The following GABRB3 variants were observed in gnomAD, a reference collection of about 807,000 sequenced individuals.
GABRB3 encodes the protein gamma-aminobutyric acid receptor subunit beta-3.
A neutral mutation model predicts 52.1 loss-of-function variants in GABRB3; 14 were observed. The observed-to-expected ratio is 0.27, with a 90% CI of 0.18 to 0.42. The LOEUF is 0.42. Among genes scored for constraint, GABRB3 ranks in the 10% least tolerant of loss-of-function variants. The probability of loss-of-function intolerance (pLI) is 1.00; values close to 1 mark genes in which losing one functional copy is unlikely to be tolerated. For synonymous variants in GABRB3, 260 were observed against 232.3 expected (o/e 1.12, Z -1.08); for missense variants, 307 against 609.1 (o/e 0.50, Z 5.22).
At chr15:26,669,872 T>C (rs2140628303) in intron 3 of GABRB3, among the ~76,000 whole-genome samples, 1 of 152,358 alleles carries the variant, frequency 6.6e-6, no homozygotes, top group Middle Eastern at 3.4e-3. Flanking sequence ...TGGGTCAAGT[T>C]AACCTTTCCT....
chr15:26,580,699 T>C (rs565835911), intron 5 of GABRB3: 3 of 572,452 alleles, frequency 5.2e-6, no homozygotes, highest in Non-Finnish European at 9.4e-6. Context: ...ATGGGTGCTC[T>C]GACCAGAGTT....
intron 3 of GABRB3, among the ~76,000 whole-genome samples, chr15:26,641,283 C>G (rs140697353): frequency 6.6e-6 from 1 of 152,354 alleles, no homozygotes; most frequent in East Asian, 1.9e-4. Flanking sequence ...AGAACTTGCT[C>G]GCTGCATGCT....
intron 3 of GABRB3, among the ~76,000 whole-genome samples, chr15:26,732,319 TGG>T (rs1889948085): frequency 9.2e-6 from 1 of 108,966 alleles, no homozygotes; most frequent in African/African-American, 3.5e-5. Context: ...GATGGATGGA[TGG>T]ATGGATGGAT....
intron 3 of GABRB3, among the ~76,000 whole-genome samples, chr15:26,756,211 T>C (rs543464988): frequency 3.9e-5 from 6 of 152,148 alleles, no homozygotes; most frequent in African/African-American, 1.4e-4. Context: ...CAAAGAGTAA[T>C]GAGTATCAAA....
chr15:26,551,790 T>C (rs961333478), intron 8 of GABRB3, among the ~76,000 whole-genome samples: 1 of 151,918 alleles, frequency 6.6e-6, no homozygotes, highest in Admixed American at 6.5e-5. Flanking sequence ...CTAGACGGAG[T>C]GGTCTCCTTA....
chr15:26,588,127 G>A (rs965065912), intron 4 of GABRB3, among the ~76,000 whole-genome samples: 3 of 152,188 alleles, frequency 2.0e-5, no homozygotes, highest in Non-Finnish European at 2.9e-5. Flanking sequence ...AGACACGCCT[G>A]TGTCCAATAT....
Position 26,640,251 on chromosome 15 carries a change from C to T in GABRB3, c.241-18717G>A, listed in dbSNP as rs1893164552. On this transcript the variant is annotated intron_variant, in intron 3 of 8. Coordinates refer to ENST00000311550, the MANE Select transcript of GABRB3 (RefSeq NM_000814.6). Reference sequence around the variant, plus strand: ...TCAAAACGTTGGCCGGGCGCGGTGGCTCATGCCTGTAATACCAGCACTTTG... The same window carrying T: ...TCAAAACGTTGGCCGGGCGCGGTGGTTCATGCCTGTAATACCAGCACTTTG... Among the ~76,000 whole-genome samples, 3 of 152,176 alleles carry T rather than the reference C, an allele frequency of 2.0e-5. No homozygotes were observed. In the South Asian group the frequency reaches 6.2e-4, roughly 32 times the overall value.
At position 26,621,653 on chromosome 15, in the gene GABRB3, G is replaced by T; in HGVS notation, c.241-119C>A. 1.3e-6 allele frequency: 1 copy of T among 745,604 alleles called. No individual in the cohort carries two copies. The highest frequency in any genetic ancestry group is 2.2e-6 in the Non-Finnish European group (1 of 448,494). 46.2% of individuals were successfully genotyped at this position (745,604 alleles called of 1,614,324 possible). ...CTACAGTGAATAACCAGGAGAAACG[G>T]ATGCCATTTTTATGCAGAATGGGAA... is the stretch of plus-strand genomic sequence containing the variant. On this transcript the variant is annotated intron_variant, in intron 3 of 8. Transcript: ENST00000311550. This position sits in a 1 kb window ranked among gnomAD's most constrained non-coding sequence, Gnocchi z 4.1.
At chr15:26,661,730 A>G (rs1458326033) in intron 3 of GABRB3, among the ~76,000 whole-genome samples, 2 of 152,134 alleles carry the variant, frequency 1.3e-5, no homozygotes, top group African/African-American at 2.4e-5. Context: ...GGGACACCCA[A>G]GGAGATGCAA....
At chr15:26,590,436 A>T (rs923161465) in intron 4 of GABRB3, among the ~76,000 whole-genome samples, 7 of 152,126 alleles carry the variant, frequency 4.6e-5, no homozygotes, top group Admixed American at 2.0e-4. Context: ...ACCCTACGGC[A>T]ACTCACTCTC....
chr15:26,671,531 G>T (rs1887897316), intron 3 of GABRB3, among the ~76,000 whole-genome samples: 1 of 152,144 alleles, frequency 6.6e-6, no homozygotes, highest in African/African-American at 2.4e-5. Flanking sequence ...TTTCGAGAGT[G>T]CTTTAAACAT....
At chr15:26,679,155 GTTGTCTT>G (rs992017963) in intron 3 of GABRB3, among the ~76,000 whole-genome samples, 83 of 152,166 alleles carry the variant, frequency 5.5e-4, no homozygotes, top group African/African-American at 2.0e-3. Context: ...GGTGTGGGTT[GTTGTCTT>G]TTATTTGAAT....
chr15:26,590,159 A>C (rs1477556561), intron 4 of GABRB3: 1 of 152,028 alleles, frequency 6.6e-6, no homozygotes, highest in East Asian at 1.9e-4. Context: ...ATTGAATCCA[A>C]CATCAGTGTG....
At chr15:26,581,578 TCA>T (rs1890790861) in intron 5 of GABRB3, among the ~76,000 whole-genome samples, 1 of 152,186 alleles carries the variant, frequency 6.6e-6, no homozygotes, top group South Asian at 2.1e-4. Context: ...CCCTGGGCCT[TCA>T]TCCCTCCTTT....
Position 26,567,451 on chromosome 15 carries a change from A to C in GABRB3, c.835+130T>G. ...GTGAAATTAGTGTTTCAAGATAAAA[A>C]GTGACTATACAGGCAATGCTTGTGT... is the stretch of plus-strand genomic sequence containing the variant. On this transcript the variant is annotated intron_variant, in intron 7 of 8. Transcript: ENST00000311550. 3 of 814,292 alleles carry C rather than the reference A, an allele frequency of 3.7e-6. No homozygotes were observed. In the South Asian group the frequency reaches 4.4e-5, roughly 12 times the overall value. The allele number at this position is 814,292 out of a possible 1,614,324, so 50.4% of individuals were successfully genotyped here.
intron 3 of GABRB3, among the ~76,000 whole-genome samples, chr15:26,675,107 G>A (rs1440398353): frequency 3.9e-5 from 6 of 152,128 alleles, no homozygotes; most frequent in African/African-American, 1.2e-4. Context: ...CTCTTAATGA[G>A]GAACTGAATA....
At chr15:26,734,360 A>G (rs1421126520) in intron 3 of GABRB3, among the ~76,000 whole-genome samples, 1 of 152,136 alleles carries the variant, frequency 6.6e-6, no homozygotes, top group Non-Finnish European at 1.5e-5. Flanking sequence ...AAGAAAACAC[A>G]GGGCAAAATC....
At chr15:26,717,279 C>A (rs557358674) in intron 3 of GABRB3, among the ~76,000 whole-genome samples, 6 of 150,880 alleles carry the variant, frequency 4.0e-5, no homozygotes, top group Admixed American at 6.6e-5. Context: ...GATATCCACC[C>A]GATGACAGCC....
chr15:26,649,426 G>T (rs1307461777), intron 3 of GABRB3, among the ~76,000 whole-genome samples: 5 of 152,146 alleles, frequency 3.3e-5, no homozygotes, highest in Non-Finnish European at 7.3e-5. Flanking sequence ...CTGCCACCTT[G>T]CCCTTGGACT....
Sources: gnomAD v4.1 joint callset for allele counts (sites outside exome capture counted in the v4.1 genomes callset) on GRCh38, gnomAD v4.1.1 for gene constraint, Gnocchi (gnomAD v3.1) non-coding constraint, MANE v1.5 for transcripts, NCBI Gene and HGNC (gene_info 2026-07-23, HGNC 2026-07-21) for gene names.